SLC24A3: variants seen among roughly 807,000 people sequenced by gnomAD.
SLC24A3 encodes solute carrier family 24 member 3.
Under a neutral mutation model 75.8 loss-of-function variants are expected in SLC24A3, and 28 were observed. The observed-to-expected ratio is 0.37, with a 90% confidence interval of 0.27 to 0.51. SLC24A3 has a LOEUF of 0.51. SLC24A3 is among the 20% of genes least tolerant of loss of function. SLC24A3 has a pLI of 0.94. For missense variants in SLC24A3, 663 were observed against 847.8 expected, an observed-to-expected ratio of 0.78 and a Z score of 2.71; for synonymous variants, 372 against 334.1, an observed-to-expected ratio of 1.11 and a Z score of -1.24.
At chr20:19,291,081 T>C (rs1983930617) in intron 2 of SLC24A3, among the ~76,000 whole-genome samples, 2 of 152,198 alleles carry the variant, frequency 1.3e-5, no homozygotes, top group Non-Finnish European at 2.9e-5. Context: ...CTCAGTTGCC[T>C]CAGCACTTGC....
At chr20:19,616,357 G>A (rs530786575) in intron 6 of SLC24A3, among the ~76,000 whole-genome samples, 1 of 152,212 alleles carries the variant, frequency 6.6e-6, no homozygotes, top group Non-Finnish European at 1.5e-5. Context: ...TTCCTTGCAG[G>A]GAGTTTGTGT....
At chr20:19,506,008 T>A (rs1988457705) in intron 2 of SLC24A3, among the ~76,000 whole-genome samples, 1 of 152,230 alleles carries the variant, frequency 6.6e-6, no homozygotes, top group African/African-American at 2.4e-5. Flanking sequence ...GTATTGCATA[T>A]TTCATAAGCA....
At chr20:19,284,043 G>C (rs1983739945) in intron 2 of SLC24A3, 1 of 152,734 alleles carries the variant, frequency 6.5e-6, no homozygotes, top group South Asian at 2.1e-4. Flanking sequence ...CCTCAGGCTT[G>C]GCAATGAATG....
At chr20:19,351,708 G>A (rs985332629) in intron 2 of SLC24A3, among the ~76,000 whole-genome samples, 1 of 152,064 alleles carries the variant, frequency 6.6e-6, no homozygotes, top group Non-Finnish European at 1.5e-5. Context: ...CACTCCCCAA[G>A]GCTTCATGCA....
At chr20:19,503,638 C>A (rs756020150) in intron 2 of SLC24A3, among the ~76,000 whole-genome samples, 27 of 152,300 alleles carry the variant, frequency 1.8e-4, no homozygotes, top group African/African-American at 2.6e-4. Flanking sequence ...AAGGAGGGGG[C>A]CAGAGGTGGC....
At chr20:19,482,753 G>A (rs1988076422) in intron 2 of SLC24A3, among the ~76,000 whole-genome samples, 1 of 152,224 alleles carries the variant, frequency 6.6e-6, no homozygotes, top group Non-Finnish European at 1.5e-5. Flanking sequence ...TCTGGACAGT[G>A]AGAACCCTTC....
At chr20:19,586,172 G>A (rs972992285) in intron 6 of SLC24A3, among the ~76,000 whole-genome samples, 3 of 152,138 alleles carry the variant, frequency 2.0e-5, no homozygotes, top group Non-Finnish European at 2.9e-5. Context: ...TCTGGGGAAG[G>A]TGCTCAGAAG....
intron 16 of SLC24A3, among the ~76,000 whole-genome samples, chr20:19,719,669 A>G (rs2033081641): frequency 6.6e-6 from 1 of 152,224 alleles, no homozygotes; most frequent in African/African-American, 2.4e-5. Flanking sequence ...ACTTAATGTC[A>G]GTGGTCTCTA....
chr20:19,625,633 G>A (rs1199140212), intron 6 of SLC24A3, among the ~76,000 whole-genome samples: 1 of 152,162 alleles, frequency 6.6e-6, no homozygotes, highest in Non-Finnish European at 1.5e-5. Flanking sequence ...AAGGGATGGA[G>A]TTGCAGCTGC....
At chr20:19,537,263 A>G (rs1303824588) in intron 3 of SLC24A3, among the ~76,000 whole-genome samples, 1 of 152,232 alleles carries the variant, frequency 6.6e-6, no homozygotes, top group Non-Finnish European at 1.5e-5. Context: ...GCAGCCAAAA[A>G]ACACATGAAA....
Position 19,378,907 on chromosome 20 carries a change from C to CAA in SLC24A3, c.271+97833_271+97834dup, listed in dbSNP as rs11475629. ...ATCTCTACTTTCTTTAAAAAAAGCT[C>CAA]AAAAAAAAAAAAAAGGATGCAGTGG... On this transcript the variant is annotated intron_variant, in intron 2 of 16. Transcript: ENST00000328041. Among the ~76,000 whole-genome samples, 88 of 138,388 alleles carry CAA rather than the reference C, an allele frequency of 6.4e-4. 1 individual carries two copies. The highest frequency in any genetic ancestry group is 2.1e-3 in the African/African-American group (79 of 38,506). The allele number at this position is 138,388 out of a possible 152,430, so 90.8% of individuals were successfully genotyped here.
rs896907023 is a variant in SLC24A3 at position 19,441,641 on chromosome 20, A to G, written c.272-73847A>G. On this transcript the variant is annotated intron_variant, in intron 2 of 16. Transcript: ENST00000328041. ...TGTTAACATCTTATATTAGTGTGGT[A>G]CATTTATTACGATTGATGAACAAAT... Among the ~76,000 whole-genome samples the G allele has an allele frequency of 2.4e-4, 36 of 152,198 alleles. 3 individuals are homozygous for G. Among genetic ancestry groups the G allele is most frequent in the Non-Finnish European group, 1.5e-5 (1 of 68,042 alleles).
chr20:19,385,915 G>A (rs964595305), intron 2 of SLC24A3, among the ~76,000 whole-genome samples: 51 of 152,134 alleles, frequency 3.4e-4, no homozygotes, highest in Non-Finnish European at 1.5e-4. Context: ...GGGATTACAG[G>A]CATGAGCCAC....
At chr20:19,432,224 T>TGGC (rs1485259515) in intron 2 of SLC24A3, among the ~76,000 whole-genome samples, 1 of 150,574 alleles carries the variant, frequency 6.6e-6, no homozygotes, top group Non-Finnish European at 1.5e-5. Flanking sequence ...AGCAGATAGT[T>TGGC]GGCTACTATC....
At chr20:19,311,722 A>G (rs562100644) in intron 2 of SLC24A3, among the ~76,000 whole-genome samples, 13 of 152,262 alleles carry the variant, frequency 8.5e-5, no homozygotes, top group African/African-American at 3.1e-4. Context: ...CATGAAGTCA[A>G]GATAGCCTGT....
intron 2 of SLC24A3, among the ~76,000 whole-genome samples, chr20:19,479,754 G>A (rs1235689868): frequency 2.0e-5 from 3 of 152,208 alleles, no homozygotes; most frequent in Non-Finnish European, 2.9e-5. Flanking sequence ...TGCATCAGGG[G>A]CATTAACCCC....
intron 3 of SLC24A3, among the ~76,000 whole-genome samples, chr20:19,560,647 C>G (rs1463204976): frequency 6.6e-6 from 1 of 152,214 alleles, no homozygotes; most frequent in East Asian, 1.9e-4. Context: ...AATTCCCTGT[C>G]TGGTGCAAAG....
At position 19,322,365 on chromosome 20, in the gene SLC24A3, CCCTTCCTTCCTT is replaced by C. The variant is rs59240769; in HGVS notation, c.271+41324_271+41335del. Among the ~76,000 whole-genome samples, 584 of 80,052 alleles carry C rather than the reference CCCTTCCTTCCTT, an allele frequency of 7.3e-3. 4 individuals are homozygous for C. Among genetic ancestry groups the C allele is most frequent in the Middle Eastern group, 0.039 (5 of 128 alleles). The allele number at this position is 80,052 out of a possible 152,430, so 52.5% of individuals were successfully genotyped here. On this transcript the variant is annotated intron_variant, in intron 2 of 16. Coordinates refer to ENST00000328041, the MANE Select transcript of SLC24A3 (RefSeq NM_020689.4). ...TTGAGCCTTCTTTCCTTCCTTCCTTCCCTTCCTTCCTTCCTTCCTTCCTTCCTTCCTTCCTTC... is the reference window on the plus strand; with the variant it reads ...TTGAGCCTTCTTTCCTTCCTTCCTTCCCTTCCTTCCTTCCTTCCTTCCTTC...
chr20:19,613,319 CA>C (rs2031695523), intron 6 of SLC24A3, among the ~76,000 whole-genome samples: 3 of 152,174 alleles, frequency 2.0e-5, no homozygotes, highest in Admixed American at 2.0e-4. Flanking sequence ...GAACAGTGCC[CA>C]AAATCCATTT....
Sources: allele counts gnomAD v4.1 joint callset (sites outside exome capture counted in the v4.1 genomes callset), GRCh38; gene constraint gnomAD v4.1.1; transcripts MANE v1.5; gene names NCBI Gene and HGNC (gene_info 2026-07-23, HGNC 2026-07-21).